Variants in GPHN observed in about 807,000 individuals in gnomAD.
GPHN encodes the protein gephyrin.
Under a neutral mutation model 95.5 loss-of-function variants are expected in GPHN, and 17 were observed. The ratio of observed to expected loss-of-function variants is 0.18; its 90% CI spans 0.12 to 0.27. The LOEUF (loss-of-function observed/expected upper bound fraction) is 0.27, where lower values mean the gene tolerates loss of function less well. Among genes scored for constraint, GPHN ranks in the 10% least tolerant of loss-of-function variants. GPHN has a pLI of 1.00. For synonymous variants in GPHN, 320 were observed against 322.5 expected (o/e 0.99, Z 0.08); for missense variants, 660 against 978.1 (o/e 0.67, Z 4.34).
intron 1 of GPHN, among the ~76,000 whole-genome samples, chr14:66,514,564 T>C (rs1226115917): frequency 1.3e-5 from 2 of 152,052 alleles, no homozygotes; most frequent in Non-Finnish European, 2.9e-5. Context: ...ATATAGGATA[T>C]TAGACCTAGT....
At chr14:66,952,246 T>C (rs1596485190) in intron 8 of GPHN, among the ~76,000 whole-genome samples, 2 of 152,212 alleles carry the variant, frequency 1.3e-5, no homozygotes, top group African/African-American at 2.4e-5. Flanking sequence ...TCTCTGTAGG[T>C]TTACTTATTT....
At chr14:66,808,937 A>G (rs1219554949) in intron 3 of GPHN, among the ~76,000 whole-genome samples, 3 of 152,238 alleles carry the variant, frequency 2.0e-5, no homozygotes, top group Non-Finnish European at 4.4e-5. Context: ...AAATATGAAC[A>G]AATGTACTAA....
At chr14:67,546,083 C>T in the GPHN span, among the ~76,000 whole-genome samples, 2 of 152,134 alleles carry the variant, frequency 1.3e-5, no homozygotes, top group Admixed American at 1.3e-4. Context: ...TCTGGGAGAA[C>T]ATGAGGGGAC....
At chr14:67,570,378 T>G in the GPHN span, 1 of 743,554 alleles carries the variant, frequency 1.3e-6, no homozygotes, top group East Asian at 1.2e-4. Flanking sequence ...CACTACATTT[T>G]AAAAACAAAA....
intron 11 of GPHN, among the ~76,000 whole-genome samples, chr14:67,065,952 G>T (rs765255104): frequency 6.6e-6 from 1 of 151,812 alleles, no homozygotes; most frequent in Admixed American, 6.6e-5. Flanking sequence ...GGTCCATATT[G>T]TTAGGTGTAG....
intron 4 of GPHN, among the ~76,000 whole-genome samples, chr14:66,849,072 G>T (rs1567016772): frequency 6.6e-6 from 1 of 151,796 alleles, no homozygotes; most frequent in Non-Finnish European, 1.5e-5. Flanking sequence ...CCACTTTACA[G>T]ATAAGAAAAT....
the GPHN span, among the ~76,000 whole-genome samples, chr14:67,600,531 C>CGAGGTTGCAGTGAGCG: frequency 6.6e-6 from 1 of 152,140 alleles, no homozygotes; most frequent in Non-Finnish European, 1.5e-5. Context: ...CCTGGGAGGT[C>CGAGGTTGCAGTGAGCG]GAGGTTGCAG....
intron 1 of GPHN, among the ~76,000 whole-genome samples, chr14:66,576,628 CA>C (rs2140418259): frequency 6.6e-6 from 1 of 152,120 alleles, no homozygotes; most frequent in African/African-American, 2.4e-5. Flanking sequence ...TTTCTATGCA[CA>C]ATCTAAGTTT....
the GPHN span, among the ~76,000 whole-genome samples, chr14:67,575,089 G>A: frequency 6.6e-6 from 1 of 151,868 alleles, no homozygotes; most frequent in Non-Finnish European, 1.5e-5. Context: ...CCTGACAACT[G>A]TGGCTTCTGC....
chr14:67,199,599 A>G, the GPHN span: 9 of 1,590,280 alleles, frequency 5.7e-6, no homozygotes, highest in Admixed American at 1.5e-4. Context: ...GCCTTCGAGA[A>G]GGACTCCAAG....
intron 2 of GPHN, among the ~76,000 whole-genome samples, chr14:66,713,895 A>G (rs918890118): frequency 1.3e-5 from 2 of 151,992 alleles, no homozygotes; most frequent in African/African-American, 2.4e-5. Context: ...CCTCCTCCCA[A>G]GTAGCTGGTA....
At chr14:67,211,863 T>C in the GPHN span, among the ~76,000 whole-genome samples, 4 of 152,136 alleles carry the variant, frequency 2.6e-5, no homozygotes, top group African/African-American at 9.7e-5. Flanking sequence ...TAAATACTTA[T>C]CATTTATTAT....
chr14:67,321,707 T>C, the GPHN span, among the ~76,000 whole-genome samples: 1 of 152,214 alleles, frequency 6.6e-6, no homozygotes, highest in African/African-American at 2.4e-5. Flanking sequence ...ACCCGTCACA[T>C]GAGGCCAGGG....
the GPHN span, among the ~76,000 whole-genome samples, chr14:67,191,285 C>T: frequency 2.4e-4 from 36 of 152,222 alleles, no homozygotes; most frequent in Admixed American, 1.8e-3. Flanking sequence ...GTAAAAAGAC[C>T]CAGAATCCAG....
At chr14:67,060,888 A>C (rs1376761711) in intron 11 of GPHN, among the ~76,000 whole-genome samples, 1 of 152,186 alleles carries the variant, frequency 6.6e-6, no homozygotes, top group African/African-American at 2.4e-5. Flanking sequence ...CTCCAAACTC[A>C]TATTCTAAAT....
chr14:66,771,880 A>G (rs552797217), intron 2 of GPHN, among the ~76,000 whole-genome samples: 139 of 152,070 alleles, frequency 9.1e-4, no homozygotes, highest in African/African-American at 3.2e-3. Context: ...TCAAGTTTAT[A>G]TATCTATCTA....
At chr14:67,048,235 C>A (rs754673561) in intron 10 of GPHN, among the ~76,000 whole-genome samples, 1 of 152,042 alleles carries the variant, frequency 6.6e-6, no homozygotes, top group African/African-American at 2.4e-5. Flanking sequence ...CTGAGTGAAC[C>A]CCTATTCATT....
chr14:67,146,709 G>T (rs77391490), intron 18 of GPHN, among the ~76,000 whole-genome samples: 1,832 of 152,290 alleles, frequency 0.012, 19 homozygotes, highest in Non-Finnish European at 0.018. Context: ...GATTTGTTTT[G>T]TAAGTCTAGA....
chr14:66,543,477 T>A (rs1256785126), intron 1 of GPHN, among the ~76,000 whole-genome samples: 1 of 152,222 alleles, frequency 6.6e-6, no homozygotes, highest in East Asian at 1.9e-4. Context: ...ATACCAAGTA[T>A]GTGCTTACAA....
Sources: gnomAD v4.1 joint callset for allele counts (sites outside exome capture counted in the v4.1 genomes callset) on GRCh38, gnomAD v4.1.1 for gene constraint, MANE v1.5 for transcripts, NCBI Gene and HGNC (gene_info 2026-07-23, HGNC 2026-07-21) for gene names.